TCERG1: variants seen among roughly 807,000 people sequenced by gnomAD.
TCERG1 encodes transcription elongation regulator 1, also known as TATA box binding protein (TBP)-associated factor, RNA polymerase II, S, 150kD.
Under a neutral mutation model 144.7 loss-of-function variants are expected in TCERG1, and 37 were observed. The observed-to-expected ratio is 0.26, with a 90% CI of 0.20 to 0.34. The LOEUF is 0.34. TCERG1 is among the 10% of genes least tolerant of loss of function. The pLI is 1.00. For synonymous variants in TCERG1, 492 were observed against 458.2 expected, an observed-to-expected ratio of 1.07 and a Z score of -0.94; for missense variants, 1,027 against 1,380.7, an observed-to-expected ratio of 0.74 and a Z score of 4.06.
chr5:146,488,190 G>T (rs1766028271), intron 15 of TCERG1, among the ~76,000 whole-genome samples: 1 of 151,994 alleles, frequency 6.6e-6, no homozygotes, highest in South Asian at 2.1e-4. Flanking sequence ...ACATTGACTG[G>T]GAAAAGATTT....
chr5:146,468,316 G>A (rs374059284), intron 5 of TCERG1, 25 bp from the exon 6 acceptor site: 15 of 1,546,154 alleles, frequency 9.7e-6, no homozygotes, highest in Admixed American at 1.9e-5. Context: ...GCTTTCCAAC[G>A]TATGCTTGCT....
At chr5:146,499,235 C>A (rs1767212547) in intron 17 of TCERG1, among the ~76,000 whole-genome samples, 1 of 151,992 alleles carries the variant, frequency 6.6e-6, no homozygotes, top group African/African-American at 2.4e-5. Flanking sequence ...GGGAGATGAC[C>A]CCAGTGGTGT....
At chr5:146,469,783 CTG>C (rs751325514) in intron 7 of TCERG1, 39 bp downstream of exon 7, 1 of 1,403,040 alleles carries the variant, frequency 7.1e-7, no homozygotes, top group South Asian at 1.5e-5. Flanking sequence ...GTAGTATAAA[CTG>C]TAATAAGTAG....
chr5:146,490,098 A>C (rs1235690484), intron 15 of TCERG1, among the ~76,000 whole-genome samples: 1 of 152,206 alleles, frequency 6.6e-6, no homozygotes, highest in Admixed American at 6.5e-5. Flanking sequence ...GTTGGAAACA[A>C]CTTTCTCCCT....
At chr5:146,447,742 C>A (rs1761999387) in intron 1 of TCERG1, among the ~76,000 whole-genome samples, 1 of 152,240 alleles carries the variant, frequency 6.6e-6, no homozygotes, top group Non-Finnish European at 1.5e-5. Context: ...CTCGGCCGAC[C>A]TGAGTCTGTC....
At chr5:146,484,966 T>A (rs556336708) in intron 15 of TCERG1, among the ~76,000 whole-genome samples, 52 of 152,190 alleles carry the variant, frequency 3.4e-4, no homozygotes, top group Non-Finnish European at 6.3e-4. Flanking sequence ...CCAGGCTAAT[T>A]TTAAAGTTTA....
chr5:146,478,612 AGCCCCCTC>A lies in TCERG1; in HGVS notation c.1722_1729del (p.Pro575Ter). ...GCAGATGTTGACAAAATTATTCAGG[AGCCCCCTC>A]ATAAAAAAGGAATGGAGGAATTGAA... On this transcript the variant is annotated frameshift_variant, in exon 10 of 23. Coordinates refer to ENST00000679501, the MANE Select transcript of TCERG1 (RefSeq NM_001382548.1). LOFTEE classifies it high-confidence loss of function. 1 of 1,606,626 alleles carries A rather than the reference AGCCCCCTC, an allele frequency of 6.2e-7. No individual in the cohort carries two copies.
intron 1 of TCERG1, among the ~76,000 whole-genome samples, chr5:146,453,723 A>G (rs1487104319): frequency 2.0e-5 from 3 of 151,574 alleles, no homozygotes; most frequent in African/African-American, 7.3e-5. Context: ...AGATCGCCTG[A>G]GGTCAGGAGT....
intron 17 of TCERG1, among the ~76,000 whole-genome samples, chr5:146,502,756 T>G (rs1767604112): frequency 6.6e-6 from 1 of 152,196 alleles, no homozygotes; most frequent in African/African-American, 2.4e-5. Context: ...TGATTAATTA[T>G]GAACATAGAA....
At chr5:146,485,741 T>G (rs1765761777) in intron 15 of TCERG1, among the ~76,000 whole-genome samples, 1 of 152,202 alleles carries the variant, frequency 6.6e-6, no homozygotes, top group Non-Finnish European at 1.5e-5. Flanking sequence ...TTGCCCAGAC[T>G]GGAGTGCAGT....
intron 1 of TCERG1, among the ~76,000 whole-genome samples, chr5:146,448,083 T>C (rs1020455521): frequency 1.3e-5 from 2 of 152,200 alleles, no homozygotes; most frequent in Non-Finnish European, 2.9e-5. Context: ...ACAACCACCC[T>C]TTGGAGTAGT....
intron 1 of TCERG1, among the ~76,000 whole-genome samples, chr5:146,452,936 G>A (rs1462479204): frequency 1.3e-5 from 2 of 152,136 alleles, no homozygotes; most frequent in Non-Finnish European, 2.9e-5. Context: ...CCTTGGACAA[G>A]TGACTTCTTT....
In TCERG1 at chr5:146,452,826, A is replaced by G. The variant is rs183502880; in HGVS notation, c.60-2230A>G. Among the ~76,000 whole-genome samples the G allele has an allele frequency of 3.3e-5, 5 of 152,310 alleles. No individual in the cohort carries two copies. The East Asian group carries it at 9.6e-4, about 29-fold the overall frequency. ...AGGTTGATGTTGAACTCCTGACTTC[A>G]AATGATCTGCCTGCCTTGGCCACCA... On this transcript the variant is annotated intron_variant, in intron 1 of 22. Coordinates refer to ENST00000679501, the MANE Select transcript of TCERG1 (RefSeq NM_001382548.1).
chr5:146,510,393 C>T, intron 22 of TCERG1, 48 bp from the exon 23 acceptor site: 2 of 1,354,182 alleles, frequency 1.5e-6, no homozygotes, highest in Non-Finnish European at 1.1e-6. Context: ...TTCTGAAAGA[C>T]CTGTGAACAG....
chr5:146,490,461 T>C (rs1273856476), intron 15 of TCERG1, among the ~76,000 whole-genome samples: 1 of 152,228 alleles, frequency 6.6e-6, no homozygotes, highest in African/African-American at 2.4e-5. Flanking sequence ...ACCCTTATTG[T>C]ACCCTTATTT....
intron 19 of TCERG1, among the ~76,000 whole-genome samples, chr5:146,505,237 C>T (rs1244297496): frequency 1.3e-5 from 2 of 152,166 alleles, no homozygotes; most frequent in African/African-American, 4.8e-5. Flanking sequence ...TGGACAATTA[C>T]AGTAGTTTCC....
In TCERG1 at chr5:146,510,682, T is replaced by C; in HGVS notation, c.*40T>C. The C allele has an allele frequency of 6.4e-7, 1 of 1,569,400 alleles. No homozygotes were observed. The highest frequency in any genetic ancestry group is 8.6e-7 in the Non-Finnish European group (1 of 1,156,246). Reference sequence around the variant, plus strand: ...CCATAGGGGCATCTATTCAAAATGCTTGCATGAGCCAATTTTCAGGTTTTT... The same window carrying C: ...CCATAGGGGCATCTATTCAAAATGCCTGCATGAGCCAATTTTCAGGTTTTT... On this transcript the variant is annotated 3_prime_UTR_variant, in exon 23 of 23. Transcript: ENST00000679501.
At chr5:146,501,974 C>A (rs10477303) in intron 17 of TCERG1, among the ~76,000 whole-genome samples, 36,222 of 148,836 alleles carry the variant, frequency 0.24, 5,509 homozygotes, top group East Asian at 0.83. Flanking sequence ...AGCTCACTGC[C>A]ACCTCTGCCT....
At chr5:146,503,241 C>G in intron 17 of TCERG1, 134 bp from the exon 18 acceptor site, 1 of 723,728 alleles carries the variant, frequency 1.4e-6, no homozygotes. Context: ...CTCTAAATGC[C>G]TATATTTTAA....
Sources: gnomAD v4.1 joint callset for allele counts (sites outside exome capture counted in the v4.1 genomes callset) on GRCh38, gnomAD v4.1.1 for gene constraint, MANE v1.5 for transcripts, NCBI Gene and HGNC (gene_info 2026-07-23, HGNC 2026-07-21) for gene names.